SYNC: variants seen among roughly 807,000 people sequenced by gnomAD.
SYNC encodes the protein syncoilin.
Under a neutral mutation model 49.5 loss-of-function variants are expected in SYNC, and 38 were observed. The observed-to-expected ratio is 0.77, with a 90% CI of 0.59 to 1.01. The LOEUF (loss-of-function observed/expected upper bound fraction) is 1.01. Among genes scored for constraint, SYNC ranks in the 50% least tolerant of loss-of-function variants. The pLI is 0.00. For synonymous variants in SYNC, 201 were observed against 230.8 expected (o/e 0.87, Z 1.17); for missense variants, 579 against 580.6 (o/e 1.00, Z 0.03).
At chr1:32,691,942 A>T (rs1650185382) in intron 2 of SYNC, among the ~76,000 whole-genome samples, 1 of 152,116 alleles carries the variant, frequency 6.6e-6, no homozygotes, top group South Asian at 2.1e-4. Context: ...GCCTAAAAAT[A>T]ATCTATCCCG....
intron 4 of SYNC, chr1:32,682,543 CACGT>C (rs1649514265): frequency 1.3e-5 from 2 of 152,184 alleles, no homozygotes; most frequent in African/African-American, 2.4e-5. Flanking sequence ...GAGGCTGAGG[CACGT>C]GGATCACAAG....
intron 2 of SYNC, among the ~76,000 whole-genome samples, chr1:32,692,197 C>T (rs1201232333): frequency 1.3e-5 from 2 of 151,978 alleles, no homozygotes; most frequent in African/African-American, 4.8e-5. Flanking sequence ...CACTGCACTC[C>T]AGCCTGGGCA....
intron 2 of SYNC, among the ~76,000 whole-genome samples, chr1:32,693,091 G>GT (rs1328851445): frequency 2.0e-4 from 22 of 112,638 alleles, no homozygotes; most frequent in African/African-American, 6.5e-4. Context: ...GTTTGTTTTT[G>GT]TTTGTTTTTG....
intron 1 of SYNC, among the ~76,000 whole-genome samples, chr1:32,700,415 G>T (rs1331953784): frequency 6.6e-6 from 1 of 152,164 alleles, no homozygotes; most frequent in African/African-American, 2.4e-5. Context: ...TCATCTATTG[G>T]CTGGGTGCAG....
At position 32,702,557 on chromosome 1, in the gene SYNC, G is replaced by A. The variant is rs1650707783; in HGVS notation, c.53+51C>T. The A allele has an allele frequency of 7.4e-6, 9 of 1,208,784 alleles. No homozygotes were observed. Among genetic ancestry groups the A allele is most frequent in the Non-Finnish European group, 9.3e-6 (9 of 972,698 alleles). 74.9% of individuals were successfully genotyped at this position (1,208,784 alleles called of 1,614,324 possible). On this transcript the variant is annotated intron_variant, in intron 1 of 4. Coordinates refer to ENST00000409190, the MANE Select transcript of SYNC (RefSeq NM_030786.3). The surrounding 1 kb of genome is among the most constrained non-coding windows in gnomAD (Gnocchi z 6.2). ...GTCGGGGGGAAAGGGAACCCGTCCA[G>A]CAGCACCCCTTCCCCAGCGGGGCGG...
Position 32,680,246 on chromosome 1 carries a change from G to C in SYNC, c.*1604C>G. The stretch of plus-strand genomic sequence containing the variant: ...TTCTTCAGTTAAGTCAAAACAACAC[G>C]TTCCTCTTTCCCCATATATTCATAT... On this transcript the variant is annotated 3_prime_UTR_variant, in exon 5 of 5. Coordinates refer to ENST00000409190, the MANE Select transcript of SYNC (RefSeq NM_030786.3). 1 of 1,168,882 alleles carries C rather than the reference G, an allele frequency of 8.6e-7. No homozygotes were observed. The allele number at this position is 1,168,882 out of a possible 1,614,324, so 72.4% of individuals were successfully genotyped here.
intron 1 of SYNC, among the ~76,000 whole-genome samples, chr1:32,696,814 G>C (rs1195310618): frequency 6.6e-6 from 1 of 150,490 alleles, no homozygotes; most frequent in Non-Finnish European, 1.5e-5. Context: ...CTTTGAGATG[G>C]AGTCTTGCTC....
Position 32,684,239 on chromosome 1 carries a change from T to C in SYNC, c.1358+19A>G, listed in dbSNP as rs779069503. 6.2e-7 allele frequency: 1 copy of C among 1,614,182 alleles called. No individual in the cohort carries two copies. Among genetic ancestry groups the C allele is most frequent in the South Asian group, 1.1e-5 (1 of 91,082 alleles). On this transcript the variant is annotated intron_variant, in intron 3 of 4. Transcript: ENST00000409190. The stretch of plus-strand genomic sequence containing the variant: ...CTCAGCCAGTATTAGATGAGATTTG[T>C]ATAGCAGCAGAAACTGACTTATAAG...
intron 2 of SYNC, among the ~76,000 whole-genome samples, chr1:32,686,453 A>G (rs765374574): frequency 2.6e-5 from 4 of 152,204 alleles, no homozygotes; most frequent in Non-Finnish European, 5.9e-5. Flanking sequence ...CATTGACAGC[A>G]TTGCCAGTTT....
intron 2 of SYNC, among the ~76,000 whole-genome samples, chr1:32,694,632 C>T (rs1330620837): frequency 2.7e-5 from 4 of 149,614 alleles, no homozygotes; most frequent in Admixed American, 1.3e-4. Context: ...CTAGCCTGGG[C>T]GACAGAGCGA....
chr1:32,699,451 G>C (rs547480480), intron 1 of SYNC, among the ~76,000 whole-genome samples: 1 of 151,994 alleles, frequency 6.6e-6, no homozygotes, highest in South Asian at 2.1e-4. Flanking sequence ...CACTGCGCCT[G>C]GCCAAAAAGT....
upstream of SYNC, chr1:32,702,774 C>T: frequency 1.1e-6 from 1 of 929,034 alleles, no homozygotes; most frequent in Non-Finnish European, 1.3e-6. This position sits in a 1 kb window ranked among gnomAD's most constrained non-coding sequence, Gnocchi z 6.2. Flanking sequence ...GGATCCCGGC[C>T]GGCCCCGGGC....
Position 32,694,665 on chromosome 1 carries a change from A to C in SYNC, c.1233+200T>G, listed in dbSNP as rs185425955. Among the ~76,000 whole-genome samples the C allele has an allele frequency of 1.2e-4, 18 of 152,142 alleles. No homozygotes were observed. In the East Asian group the frequency reaches 3.3e-3, roughly 28 times the overall value. On this transcript the variant is annotated intron_variant, in intron 2 of 4. Coordinates refer to ENST00000409190, the MANE Select transcript of SYNC (RefSeq NM_030786.3). ...CGAGACTCCATCTCAAAAAAAAAAA[A>C]ACAAAAAACAGTGCAGATAACTTCT...
Position 32,696,061 on chromosome 1 carries a change from T to G in SYNC, c.54-17A>C. The G allele has an allele frequency of 2.6e-6, 4 of 1,527,652 alleles. No individual in the cohort carries two copies. In the South Asian group the frequency reaches 4.8e-5, roughly 18 times the overall value. The allele number at this position is 1,527,652 out of a possible 1,614,324, so 94.6% of individuals were successfully genotyped here. ...CTTGTTTTCCTGCAAAAGAAATGAT[T>G]GAAAGTGAAAGGGCAGCCACAATCC... On this transcript the variant is annotated splice_polypyrimidine_tract_variant and intron_variant, in intron 1 of 4. Transcript: ENST00000409190.
intron 2 of SYNC, among the ~76,000 whole-genome samples, chr1:32,688,020 A>C (rs896850855): frequency 6.6e-6 from 1 of 151,746 alleles, no homozygotes; most frequent in Non-Finnish European, 1.5e-5. Context: ...TTTTTAGTAG[A>C]GACGGGGTTT....
At chr1:32,700,497 A>G (rs1421358951) in intron 1 of SYNC, among the ~76,000 whole-genome samples, 1 of 152,140 alleles carries the variant, frequency 6.6e-6, no homozygotes, top group Non-Finnish European at 1.5e-5. Context: ...GGAGTTTGAG[A>G]CCAGCCTGGC....
chr1:32,687,564 A>G (rs975021450), intron 2 of SYNC, among the ~76,000 whole-genome samples: 1 of 149,832 alleles, frequency 6.7e-6, no homozygotes, highest in African/African-American at 2.5e-5. Flanking sequence ...CCAACTGCTC[A>G]GGAGGCTGAG....
chr1:32,687,855 A>ATTATTTATTATT (rs1553199388), intron 2 of SYNC, among the ~76,000 whole-genome samples: 1 of 135,516 alleles, frequency 7.4e-6, no homozygotes, highest in Non-Finnish European at 1.6e-5. Flanking sequence ...TATTATTATT[A>ATTATTTATTATT]TTATTATTTT....
rs1389245913 is a variant in SYNC at position 32,695,602 on chromosome 1, TCTC to T, written c.493_495del (p.Glu165del). On this transcript the variant is annotated inframe_deletion, in exon 2 of 5. Coordinates refer to ENST00000409190, the MANE Select transcript of SYNC (RefSeq NM_030786.3). ...AATTCCAGGTCCTCTATGCTCAGGT[TCTC>T]CTCCATGCTGGGGCTCTGCTCGGCT... 4 of 1,551,344 alleles carry T rather than the reference TCTC, an allele frequency of 2.6e-6. No individual in the cohort carries two copies. The African/African-American group carries it at 5.5e-5, about 21-fold the overall frequency.
Sources: gnomAD v4.1 joint callset for allele counts (sites outside exome capture counted in the v4.1 genomes callset) on GRCh38, gnomAD v4.1.1 for gene constraint, Gnocchi (gnomAD v3.1) non-coding constraint, MANE v1.5 for transcripts, NCBI Gene and HGNC (gene_info 2026-07-23, HGNC 2026-07-21) for gene names.